Variants in UST observed in about 807,000 individuals in gnomAD.
The protein encoded by UST is uronyl 2-sulfotransferase, also known as chondroitin sulfate 2-O-sulfotransferase.
Under a neutral mutation model 45.6 loss-of-function variants are expected in UST, and 21 were observed. That is an observed-to-expected ratio of 0.46 (90% CI 0.33 to 0.66). The LOEUF is 0.66. Ranked by LOEUF, UST falls within the 30% of genes least tolerant of loss-of-function variation. The probability of loss-of-function intolerance (pLI) is 0.02; values close to 1 mark genes in which losing one functional copy is unlikely to be tolerated. For synonymous variants in UST, 215 were observed against 200.6 expected (o/e 1.07, Z -0.61); for missense variants, 463 against 512.4 (o/e 0.90, Z 0.93).
At chr6:149,002,386 G>T (rs1371219266) in intron 5 of UST, among the ~76,000 whole-genome samples, 1 of 152,052 alleles carries the variant, frequency 6.6e-6, no homozygotes, top group African/African-American at 2.4e-5. Flanking sequence ...AAATAGAAAG[G>T]TTCATTTACT....
chr6:149,008,838 G>A (rs1189274482), intron 5 of UST, among the ~76,000 whole-genome samples: 1 of 152,190 alleles, frequency 6.6e-6, no homozygotes, highest in Admixed American at 6.5e-5. Context: ...CCTGAGAAAA[G>A]ACCTCCCAAC....
chr6:149,056,825 C>T (rs1313797091), intron 7 of UST, among the ~76,000 whole-genome samples: 1 of 152,240 alleles, frequency 6.6e-6, no homozygotes, highest in African/African-American at 2.4e-5. Flanking sequence ...ACTTTCCTGA[C>T]TTGGGAATGG....
rs1028225035 is a variant in UST, at chr6:149,076,803, G to GT, written c.*2693dup. 2.6e-5 allele frequency: 4 copies of GT among 151,830 alleles called. No individual in the cohort carries two copies. Among genetic ancestry groups the GT allele is most frequent in the African/African-American group, 9.7e-5 (4 of 41,228 alleles). 9.4% of individuals were successfully genotyped at this position (151,830 alleles called of 1,614,324 possible). A position where few individuals can be genotyped will look rare whatever the true frequency, so the allele number is the denominator to read the frequency against. ...ATGATTTTATTTTGGTCTGATGGAT[G>GT]TTTTTTAAAAGGAAAATTATTATTA... On this transcript the variant is annotated 3_prime_UTR_variant, in exon 8 of 8. Coordinates refer to ENST00000367463, the MANE Select transcript of UST (RefSeq NM_005715.3).
intron 7 of UST, among the ~76,000 whole-genome samples, chr6:149,035,871 T>C (rs574490884): frequency 2.7e-4 from 41 of 152,340 alleles, no homozygotes; most frequent in Non-Finnish European, 1.9e-4. Flanking sequence ...ATAGAGGTTT[T>C]GCTGGAAAAA....
chr6:148,940,917 A>G (rs987779799), intron 2 of UST, among the ~76,000 whole-genome samples: 7 of 152,152 alleles, frequency 4.6e-5, no homozygotes, highest in Admixed American at 1.3e-4. Flanking sequence ...CTTCTTGATC[A>G]CTCTGTAAAT....
In UST at chr6:148,899,936, A is replaced by C. The variant is rs115616688; in HGVS notation, c.291+12907A>C. Among the ~76,000 whole-genome samples, 886 of 151,870 alleles carry C rather than the reference A, an allele frequency of 5.8e-3. 7 individuals are homozygous for C. The highest frequency in any genetic ancestry group is 0.02 in the African/African-American group (831 of 41,364). On this transcript the variant is annotated intron_variant, in intron 2 of 7. Transcript: ENST00000367463. ...TCTGTGCCATCTAGCCTTCTTGCCTAGGTGTATGTTATTGGGGCTAAATCA... is the reference window on the plus strand; with the variant it reads ...TCTGTGCCATCTAGCCTTCTTGCCTCGGTGTATGTTATTGGGGCTAAATCA...
chr6:148,902,456 G>A (rs1404410909), intron 2 of UST, among the ~76,000 whole-genome samples: 1 of 151,142 alleles, frequency 6.6e-6, no homozygotes, highest in South Asian at 2.1e-4. Flanking sequence ...GCCAGGTCTT[G>A]AACTCCTGGG....
intron 7 of UST, among the ~76,000 whole-genome samples, chr6:149,046,258 T>C (rs1250119050): frequency 6.6e-6 from 1 of 152,174 alleles, no homozygotes; most frequent in Non-Finnish European, 1.5e-5. Flanking sequence ...CTTCTTTCTG[T>C]TGGGAATATG....
intron 4 of UST, among the ~76,000 whole-genome samples, chr6:148,958,435 A>G (rs1026058010): frequency 6.6e-6 from 1 of 152,212 alleles, no homozygotes; most frequent in Non-Finnish European, 1.5e-5. Flanking sequence ...GGAACTCCCT[A>G]GAAATTCAAG....
intron 1 of UST, among the ~76,000 whole-genome samples, chr6:148,794,893 C>A (rs532796180): frequency 6.6e-6 from 1 of 152,210 alleles, no homozygotes; most frequent in Non-Finnish European, 1.5e-5. Flanking sequence ...CACTCCTTTT[C>A]GTCTCTGAGC....
At chr6:148,942,816 C>T (rs1360170797) in intron 3 of UST, among the ~76,000 whole-genome samples, 6 of 152,114 alleles carry the variant, frequency 3.9e-5, no homozygotes, top group Non-Finnish European at 7.4e-5. Flanking sequence ...GATCAAATTG[C>T]CCACTCCTTT....
intron 6 of UST, among the ~76,000 whole-genome samples, chr6:149,020,934 A>C (rs1775969331): frequency 6.6e-6 from 1 of 152,250 alleles, no homozygotes; most frequent in Non-Finnish European, 1.5e-5. Flanking sequence ...TTCATATTTC[A>C]AAACTCCTAA....
intron 2 of UST, among the ~76,000 whole-genome samples, chr6:148,896,121 T>A (rs1779124573): frequency 6.6e-6 from 1 of 152,234 alleles, no homozygotes; most frequent in Non-Finnish European, 1.5e-5. Context: ...ATTGGTGACC[T>A]TGGAGAAGAT....
At position 148,748,647 on chromosome 6, in the gene UST, G is replaced by A. The variant is rs1440739889; in HGVS notation, c.247+970G>A. 6.6e-6 allele frequency among the ~76,000 whole-genome samples: 1 copy of A among 152,078 alleles called. No individual in the cohort carries two copies. Among genetic ancestry groups the A allele is most frequent in the Non-Finnish European group, 1.5e-5 (1 of 68,024 alleles). On this transcript the variant is annotated intron_variant, in intron 1 of 7. Transcript: ENST00000367463. The surrounding 1 kb of genome is among the most constrained non-coding windows in gnomAD (Gnocchi z 5.3). The stretch of plus-strand genomic sequence containing the variant: ...TGCTGGCACTCGCGTTCGAGCCAAG[G>A]GAGGATGCAGATCCCTCCCAAGTCT...
At chr6:148,874,776 C>T (rs1266210667) in intron 1 of UST, among the ~76,000 whole-genome samples, 2 of 152,208 alleles carry the variant, frequency 1.3e-5, no homozygotes, top group African/African-American at 2.4e-5. Context: ...ATTTACACAG[C>T]ACACAAATTC....
intron 7 of UST, among the ~76,000 whole-genome samples, chr6:149,033,300 T>C (rs1392832376): frequency 6.6e-6 from 1 of 152,266 alleles, no homozygotes; most frequent in Non-Finnish European, 1.5e-5. Flanking sequence ...CGGGGCGAAG[T>C]ACAATCCTTA....
At chr6:148,977,831 T>G (rs1467177377) in intron 5 of UST, among the ~76,000 whole-genome samples, 1 of 151,004 alleles carries the variant, frequency 6.6e-6, no homozygotes, top group Non-Finnish European at 1.5e-5. Flanking sequence ...ATACCCAGAA[T>G]ACCCTGTGTG....
In UST at chr6:149,049,908, GTCTCTCTC is replaced by G. The variant is rs138243742; in HGVS notation, c.938-23908_938-23901del. 7.4e-4 allele frequency among the ~76,000 whole-genome samples: 105 copies of G among 142,524 alleles called. 1 individual carries two copies. The highest frequency in any genetic ancestry group is 2.3e-3 in the African/African-American group (89 of 38,460). 93.5% of individuals were successfully genotyped at this position (142,524 alleles called of 152,430 possible). On this transcript the variant is annotated intron_variant, in intron 7 of 7. Transcript: ENST00000367463. The stretch of plus-strand genomic sequence containing the variant: ...CAGTAGTTTTTTAAAAACTCACCTT[GTCTCTCTC>G]TCTCTCTCTCTCTCTCACACACACA...
At chr6:148,875,612 T>C (rs1449731635) in intron 1 of UST, among the ~76,000 whole-genome samples, 1 of 152,238 alleles carries the variant, frequency 6.6e-6, no homozygotes, top group Non-Finnish European at 1.5e-5. Context: ...AAGACCAGCC[T>C]GGCCAACATA....
Sources: allele counts gnomAD v4.1 joint callset (sites outside exome capture counted in the v4.1 genomes callset), GRCh38; gene constraint gnomAD v4.1.1; non-coding constraint Gnocchi (gnomAD v3.1); transcripts MANE v1.5; gene names NCBI Gene and HGNC (gene_info 2026-07-23, HGNC 2026-07-21).